Variants in SLC17A1 observed in about 807,000 individuals in gnomAD.
The protein encoded by SLC17A1 is sodium-dependent phosphate transport protein 1.
SLC17A1 carries 51 observed loss-of-function variants against 53.5 expected under a neutral mutation model. That is an observed-to-expected ratio of 0.95 (90% CI 0.76 to 1.20). SLC17A1 has a LOEUF of 1.20. Ranked by LOEUF, SLC17A1 falls within the 50% of genes most tolerant of loss-of-function variation. The pLI is 0.00. For synonymous variants in SLC17A1, 179 were observed against 198.8 expected (o/e 0.90, Z 0.84); for missense variants, 538 against 568.2 (o/e 0.95, Z 0.54).
At chr6:25,831,695 C>T (rs1054212262) in intron 1 of SLC17A1, among the ~76,000 whole-genome samples, 10 of 152,110 alleles carry the variant, frequency 6.6e-5, no homozygotes, top group Non-Finnish European at 7.4e-5. Context: ...ATGCACCAGG[C>T]GTACACAGTG....
the SLC17A1 span, among the ~76,000 whole-genome samples, chr6:25,762,951 T>G: frequency 6.6e-6 from 1 of 152,194 alleles, no homozygotes; most frequent in African/African-American, 2.4e-5. Flanking sequence ...GAAGAACTTA[T>G]GTGTAAAATT....
At chr6:25,798,275 G>A (rs1315662064) in intron 12 of SLC17A1, among the ~76,000 whole-genome samples, 1 of 152,134 alleles carries the variant, frequency 6.6e-6, no homozygotes, top group African/African-American at 2.4e-5. Flanking sequence ...GTTTACATAA[G>A]CAAAGCACAG....
the SLC17A1 span, among the ~76,000 whole-genome samples, chr6:25,764,990 AC>A: frequency 1.6e-4 from 24 of 151,706 alleles, no homozygotes; most frequent in Non-Finnish European, 3.5e-4. Flanking sequence ...CCTCCTCCCC[AC>A]CCCTGCCACC....
chr6:25,783,452 C>T (rs1044284958), intron 12 of SLC17A1, among the ~76,000 whole-genome samples: 7 of 152,100 alleles, frequency 4.6e-5, no homozygotes, highest in Non-Finnish European at 1.0e-4. Flanking sequence ...ATTATCCTTC[C>T]TTTTCCCTAT....
the SLC17A1 span, chr6:25,727,005 A>AG: frequency 1.2e-6 from 2 of 1,614,232 alleles, no homozygotes; most frequent in Admixed American, 1.7e-5. Flanking sequence ...AAAGCGCAAG[A>AG]GGACCCGTAA....
chr6:25,777,587 A>G, the SLC17A1 span: 1 of 195,000 alleles, frequency 5.1e-6, no homozygotes, highest in East Asian at 1.2e-4. Context: ...AACAACAACA[A>G]CAACAACAAC....
the SLC17A1 span, among the ~76,000 whole-genome samples, chr6:25,732,995 G>A: frequency 2.6e-5 from 4 of 152,280 alleles, no homozygotes; most frequent in South Asian, 4.1e-4. Context: ...ATGCTGTTTC[G>A]TCAATAAGAC....
chr6:25,767,991 G>A, the SLC17A1 span, among the ~76,000 whole-genome samples: 53 of 152,198 alleles, frequency 3.5e-4, no homozygotes, highest in African/African-American at 1.2e-3. Flanking sequence ...ATTCCACCTC[G>A]GACTGAGTAA....
chr6:25,827,817 A>C (rs1341734679), intron 2 of SLC17A1, among the ~76,000 whole-genome samples: 1 of 152,174 alleles, frequency 6.6e-6, no homozygotes, highest in East Asian at 1.9e-4. Context: ...TTGAGAGAAA[A>C]CTTAGAATTC....
chr6:25,773,683 A>G, the SLC17A1 span: 1 of 1,611,124 alleles, frequency 6.2e-7, no homozygotes, highest in African/African-American at 1.3e-5. Flanking sequence ...ATGTAAGTAC[A>G]GAGAAAGCTC....
chr6:25,783,181 G>A lies in SLC17A1; in HGVS notation c.*40C>T, dbSNP rs1763304254. On this transcript the variant is annotated 3_prime_UTR_variant, in exon 13 of 13. Transcript: ENST00000244527. ...TGCTGGTCCCTCTTCCCTTCAATAA[G>A]GAGGTTGTCCCAGGCTCTGCAAGTG... 6.6e-6 allele frequency: 1 copy of A among 152,180 alleles called. No individual in the cohort carries two copies. Among genetic ancestry groups the A allele is most frequent in the Non-Finnish European group, 1.5e-5 (1 of 68,036 alleles). 9.4% of individuals were successfully genotyped at this position (152,180 alleles called of 1,614,324 possible). A position where few individuals can be genotyped will look rare whatever the true frequency, so the allele number is the denominator to read the frequency against.
chr6:25,814,688 A>G (rs965764198), intron 6 of SLC17A1, among the ~76,000 whole-genome samples: 2 of 152,204 alleles, frequency 1.3e-5, no homozygotes, highest in Non-Finnish European at 2.9e-5. Flanking sequence ...AAAAAGAACT[A>G]AAAAGACAGA....
the SLC17A1 span, chr6:25,732,083 G>T: frequency 9.2e-7 from 1 of 1,088,456 alleles, no homozygotes; most frequent in Non-Finnish European, 1.3e-6. Context: ...TGCGCTTTTT[G>T]TCCTCCTTCG....
At chr6:25,784,856 A>C (rs1018323418) in intron 12 of SLC17A1, among the ~76,000 whole-genome samples, 1 of 152,176 alleles carries the variant, frequency 6.6e-6, no homozygotes, top group Admixed American at 6.6e-5. Context: ...CACGAACAAG[A>C]CAAAGATGTC....
At chr6:25,822,809 T>C (rs1419156914) in intron 3 of SLC17A1, among the ~76,000 whole-genome samples, 1 of 152,164 alleles carries the variant, frequency 6.6e-6, no homozygotes, top group Admixed American at 6.5e-5. Flanking sequence ...TTATACAAAA[T>C]AGATTTCATA....
chr6:25,768,396 G>C, the SLC17A1 span: 1 of 987,406 alleles, frequency 1.0e-6, no homozygotes, highest in African/African-American at 1.7e-5. Context: ...CAACCACAGG[G>C]ATATCCCCAG....
the SLC17A1 span, among the ~76,000 whole-genome samples, chr6:25,775,521 G>A: frequency 2.0e-5 from 3 of 151,600 alleles, no homozygotes; most frequent in Non-Finnish European, 4.4e-5. Context: ...CTAAAGCTTC[G>A]ACCTCCCAGG....
At chr6:25,813,362 T>C in intron 6 of SLC17A1, 149 bp from the exon 7 acceptor site, 1 of 669,524 alleles carries the variant, frequency 1.5e-6, no homozygotes, top group Non-Finnish European at 2.6e-6. Flanking sequence ...TTTTCAGTCC[T>C]CCTTTTATCC....
chr6:25,768,929 G>A, the SLC17A1 span: 1 of 1,482,318 alleles, frequency 6.7e-7, no homozygotes, highest in East Asian at 2.3e-5. Context: ...TCCAGACTTA[G>A]GGAGAGTGGG....
Sources: gnomAD v4.1 joint callset for allele counts (sites outside exome capture counted in the v4.1 genomes callset) on GRCh38, gnomAD v4.1.1 for gene constraint, MANE v1.5 for transcripts, NCBI Gene and HGNC (gene_info 2026-07-23, HGNC 2026-07-21) for gene names.